Variants in SORCS1 observed in about 807,000 individuals in gnomAD.
SORCS1 encodes the protein VPS10 domain-containing receptor SorCS1.
In SORCS1, 60 loss-of-function variants were observed where a neutral mutation model predicts 146.1. The observed-to-expected ratio is 0.41, with a 90% CI of 0.33 to 0.51. The LOEUF is 0.51. SORCS1 is among the 20% of genes least tolerant of loss of function. The pLI is 0.21. For synonymous variants in SORCS1, 637 were observed against 584.0 expected (o/e 1.09, Z -1.31); for missense variants, 1,352 against 1,487.6 (o/e 0.91, Z 1.50).
At chr10:106,704,743 A>C (rs1854393354) in intron 8 of SORCS1, among the ~76,000 whole-genome samples, 1 of 152,180 alleles carries the variant, frequency 6.6e-6, no homozygotes, top group South Asian at 2.1e-4. Flanking sequence ...TTTATTCCCA[A>C]GAGTGCGCAT....
At chr10:106,762,020 G>A (rs1010040197) in intron 4 of SORCS1, among the ~76,000 whole-genome samples, 1 of 152,232 alleles carries the variant, frequency 6.6e-6, no homozygotes, top group African/African-American at 2.4e-5. Flanking sequence ...GTGATGCAAA[G>A]AAGTGCAAAA....
intron 5 of SORCS1, among the ~76,000 whole-genome samples, chr10:106,735,344 G>T (rs567181004): frequency 3.9e-5 from 6 of 152,160 alleles, no homozygotes; most frequent in African/African-American, 1.4e-4. Context: ...TATGAAATAA[G>T]AATGAGGGCT....
In SORCS1 at chr10:106,955,702, CT is replaced by C. The variant is rs375149372; in HGVS notation, c.626+810del. 5.6e-4 allele frequency among the ~76,000 whole-genome samples: 86 copies of C among 152,320 alleles called. No individual in the cohort carries two copies. In the East Asian group the frequency reaches 0.015, roughly 26 times the overall value. ...GGGAAGTTAGTAAAGGAATGTTGCC[CT>C]GGGCCAGGCGCGGTGGCTCATGCCT... On this transcript the variant is annotated intron_variant, in intron 2 of 25. Coordinates refer to ENST00000263054, the MANE Select transcript of SORCS1 (RefSeq NM_052918.5).
chr10:107,009,488 GT>G (rs1223334319), intron 1 of SORCS1, among the ~76,000 whole-genome samples: 2 of 152,136 alleles, frequency 1.3e-5, no homozygotes, highest in African/African-American at 4.8e-5. Flanking sequence ...CTACTTTTCT[GT>G]TTCTCCTTAA....
At chr10:106,852,799 T>C (rs998708795) in intron 2 of SORCS1, among the ~76,000 whole-genome samples, 2 of 152,192 alleles carry the variant, frequency 1.3e-5, no homozygotes, top group Non-Finnish European at 2.9e-5. Context: ...TAATTGATTT[T>C]TGAATATTAA....
chr10:106,923,183 C>T (rs1952807707), intron 2 of SORCS1, among the ~76,000 whole-genome samples: 1 of 152,350 alleles, frequency 6.6e-6, no homozygotes, highest in African/African-American at 2.4e-5. Flanking sequence ...GCCACCAGGT[C>T]CGGCCAACCA....
intron 1 of SORCS1, among the ~76,000 whole-genome samples, chr10:107,117,267 G>C (rs1056885666): frequency 6.6e-6 from 1 of 152,210 alleles, no homozygotes; most frequent in Non-Finnish European, 1.5e-5. Flanking sequence ...AGTAATGAAG[G>C]AAAGCTATCA....
intron 2 of SORCS1, among the ~76,000 whole-genome samples, chr10:106,903,089 T>C (rs910579342): frequency 2.0e-5 from 3 of 152,048 alleles, no homozygotes; most frequent in Non-Finnish European, 4.4e-5. Context: ...AAAATAATAA[T>C]AACAAAATAA....
At position 106,685,219 on chromosome 10, in the gene SORCS1, T is replaced by C. The variant is rs776600892; in HGVS notation, c.1560+2973A>G. On this transcript the variant is annotated intron_variant, in intron 10 of 25. Transcript: ENST00000263054. ...TTCCATTAAAATCCAAACGCGAAAC[T>C]GTCACAACACCTTTCGATGGAGTGC... 3.9e-5 allele frequency among the ~76,000 whole-genome samples: 6 copies of C among 152,146 alleles called. 1 individual carries two copies. The highest frequency in any genetic ancestry group is 2.0e-4 in the Admixed American group (3 of 15,276).
chr10:106,896,889 GTT>G (rs869027396), intron 2 of SORCS1, among the ~76,000 whole-genome samples: 64 of 119,854 alleles, frequency 5.3e-4, no homozygotes, highest in African/African-American at 1.8e-3. Context: ...ACCAAATACT[GTT>G]TTTTTTTTTT....
chr10:106,934,285 T>A (rs1032765120), intron 2 of SORCS1, among the ~76,000 whole-genome samples: 1 of 151,206 alleles, frequency 6.6e-6, no homozygotes, highest in Non-Finnish European at 1.5e-5. Flanking sequence ...TTAGATGGAG[T>A]CGCGCACTGT....
At chr10:106,634,665 G>C (rs1382900942) in intron 18 of SORCS1, among the ~76,000 whole-genome samples, 1 of 152,118 alleles carries the variant, frequency 6.6e-6, no homozygotes, top group Non-Finnish European at 1.5e-5. Flanking sequence ...TCCTGGCTTT[G>C]ACTCTCTTTT....
At chr10:107,136,100 T>C (rs1372128029) in intron 1 of SORCS1, among the ~76,000 whole-genome samples, 1 of 150,898 alleles carries the variant, frequency 6.6e-6, no homozygotes, top group African/African-American at 2.4e-5. Flanking sequence ...TGTTTAGTAG[T>C]AAAGAGTGCA....
At chr10:107,090,857 T>C (rs1337338932) in intron 1 of SORCS1, among the ~76,000 whole-genome samples, 1 of 152,126 alleles carries the variant, frequency 6.6e-6, no homozygotes, top group East Asian at 1.9e-4. Context: ...AAAGAGACGC[T>C]GTCAGAAGCA....
intron 3 of SORCS1, among the ~76,000 whole-genome samples, chr10:106,802,355 G>A (rs370894347): frequency 1.3e-5 from 2 of 152,004 alleles, no homozygotes; most frequent in African/African-American, 2.4e-5. Context: ...TTTTTGAGAC[G>A]GAGTCTCACT....
At chr10:106,877,676 C>T (rs867856441) in intron 2 of SORCS1, among the ~76,000 whole-genome samples, 4 of 151,970 alleles carry the variant, frequency 2.6e-5, no homozygotes, top group South Asian at 2.1e-4. Flanking sequence ...GGGAATATGC[C>T]GGTCCTGACA....
chr10:107,024,872 G>A (rs6584782), intron 1 of SORCS1, among the ~76,000 whole-genome samples: 14,751 of 152,126 alleles, frequency 0.097, 1,604 homozygotes, highest in African/African-American at 0.27. Context: ...AAATATAGTA[G>A]TTTATGACTA....
chr10:106,850,656 C>G (rs1389058138), intron 2 of SORCS1, among the ~76,000 whole-genome samples: 1 of 152,176 alleles, frequency 6.6e-6, no homozygotes, highest in Non-Finnish European at 1.5e-5. Context: ...CCCAAGACAC[C>G]CAAGAGCCTC....
chr10:107,098,188 G>A (rs1964664824), intron 1 of SORCS1, among the ~76,000 whole-genome samples: 1 of 152,180 alleles, frequency 6.6e-6, no homozygotes, highest in South Asian at 2.1e-4. Flanking sequence ...AATATTAGTA[G>A]GTTATTATGA....
Sources: allele counts gnomAD v4.1 joint callset (sites outside exome capture counted in the v4.1 genomes callset), GRCh38; gene constraint gnomAD v4.1.1; transcripts MANE v1.5; gene names NCBI Gene and HGNC (gene_info 2026-07-23, HGNC 2026-07-21).